DNPEP: variants seen among roughly 807,000 people sequenced by gnomAD.
DNPEP encodes the protein aspartyl aminopeptidase.
Under a neutral mutation model 59.1 loss-of-function variants are expected in DNPEP, and 46 were observed. The observed-to-expected ratio is 0.78, with a 90% CI of 0.61 to 0.99. The LOEUF is 0.99. DNPEP is among the 50% of genes least tolerant of loss of function. The pLI, the probability that DNPEP is intolerant of heterozygous loss-of-function variation, is 0.00. For missense variants in DNPEP, 617 were observed against 649.9 expected (o/e 0.95, Z 0.55); for synonymous variants, 229 against 242.2 (o/e 0.95, Z 0.50).
chr2:219,386,454 T>C, intron 4 of DNPEP, 43 bp from the exon 5 acceptor site: 1 of 1,612,934 alleles, frequency 6.2e-7, no homozygotes, highest in African/African-American at 1.3e-5. Flanking sequence ...TTCATGACGA[T>C]ATGTGGAGAT....
At chr2:219,394,098 C>T (rs1394495333) in intron 1 of DNPEP, among the ~76,000 whole-genome samples, 1 of 152,160 alleles carries the variant, frequency 6.6e-6, no homozygotes, top group Non-Finnish European at 1.5e-5. Context: ...TCCTTCTCCT[C>T]TTTATGTAAA....
intron 3 of DNPEP, 35 bp from the exon 4 acceptor site, chr2:219,386,813 T>G (rs1199429372): frequency 6.2e-7 from 1 of 1,610,056 alleles, no homozygotes. Context: ...GGGGTGTGAG[T>G]TGCATTACTC....
Position 219,373,843 on chromosome 2 carries a change from C to G in DNPEP, c.*449G>C, listed in dbSNP as rs910655869. 1 of 169,522 alleles carries G rather than the reference C, an allele frequency of 5.9e-6. No homozygotes were observed. Among genetic ancestry groups the G allele is most frequent in the Admixed American group, 5.9e-5 (1 of 17,058 alleles). The allele number at this position is 169,522 out of a possible 1,614,324, so 10.5% of individuals were successfully genotyped here. On this transcript the variant is annotated 3_prime_UTR_variant, in exon 15 of 15. Transcript: ENST00000273075. ...GAAGGGATTTTGGGAGGGTGAGAAA[C>G]AGCTTTGTCTGCCCAGAGCAGCTCT... is the stretch of plus-strand genomic sequence containing the variant.
chr2:219,379,919 A>AAAATAAATAAAT (rs59629509), intron 13 of DNPEP, among the ~76,000 whole-genome samples: 4 of 149,414 alleles, frequency 2.7e-5, no homozygotes, highest in African/African-American at 7.4e-5. Flanking sequence ...CTCCATCTCA[A>AAAATAAATAAAT]AAATAAATAA....
In DNPEP at chr2:219,379,588, G is replaced by A. The variant is rs149987778; in HGVS notation, c.1239+1747C>T. Among the ~76,000 whole-genome samples, 269 of 152,280 alleles carry A rather than the reference G, an allele frequency of 1.8e-3. 1 individual carries two copies. Among genetic ancestry groups the A allele is most frequent in the African/African-American group, 6.2e-3 (258 of 41,550 alleles). On this transcript the variant is annotated intron_variant, in intron 13 of 14. Coordinates refer to ENST00000273075, the MANE Select transcript of DNPEP (RefSeq NM_012100.4). ...GTGTTTGTGTTTTAAGCCAACTGTT[G>A]TTACAAAGGAGTCAAAAATTTTAAA... is the stretch of plus-strand genomic sequence containing the variant.
chr2:219,396,825 G>C (rs1455212132), intron 1 of DNPEP, among the ~76,000 whole-genome samples: 1 of 152,132 alleles, frequency 6.6e-6, no homozygotes, highest in East Asian at 1.9e-4. Context: ...ACCATCTGGG[G>C]AAACTGAGTG....
intron 1 of DNPEP, 192 bp from the exon 2 acceptor site, chr2:219,387,355 A>G: frequency 6.9e-7 from 1 of 1,442,156 alleles, no homozygotes; most frequent in Non-Finnish European, 9.1e-7. Context: ...CCGCCGGCCC[A>G]GGATCATGAG....
intron 4 of DNPEP, 36 bp downstream of exon 4, chr2:219,386,629 A>G (rs1183040222): frequency 6.3e-7 from 1 of 1,576,570 alleles, no homozygotes; most frequent in Non-Finnish European, 8.6e-7. Context: ...TCCCTCTGAC[A>G]TCTCCTCCCA....
At chr2:219,386,806 G>T in intron 3 of DNPEP, 28 bp from the exon 4 acceptor site, 1 of 1,609,758 alleles carries the variant, frequency 6.2e-7, no homozygotes, top group South Asian at 1.1e-5. Context: ...AAAGACAGGG[G>T]TGTGAGTTGC....
chr2:219,391,030 C>CT (rs1483669011), upstream of DNPEP, among the ~76,000 whole-genome samples: 10 of 152,280 alleles, frequency 6.6e-5, no homozygotes, highest in East Asian at 7.7e-4. Flanking sequence ...AGGAATGACT[C>CT]TAAGTTTTCT....
intron 1 of DNPEP, among the ~76,000 whole-genome samples, chr2:219,395,364 A>C (rs2125153149): frequency 6.6e-6 from 1 of 152,250 alleles, no homozygotes; most frequent in South Asian, 2.1e-4. Flanking sequence ...CCTGCTCCCT[A>C]ACAACCTCTA....
upstream of DNPEP, chr2:219,387,919 C>T: frequency 3.6e-6 from 5 of 1,371,644 alleles, no homozygotes; most frequent in Non-Finnish European, 4.7e-6. Flanking sequence ...CTTCCCCGGC[C>T]GCGCCGCCCC....
At chr2:219,378,516 G>A (rs1255979265) in intron 13 of DNPEP, among the ~76,000 whole-genome samples, 1 of 152,206 alleles carries the variant, frequency 6.6e-6, no homozygotes, top group African/African-American at 2.4e-5. Flanking sequence ...GCAGCAGAAA[G>A]AGCCCTGGGC....
chr2:219,392,345 CT>C (rs1321818734), upstream of DNPEP, among the ~76,000 whole-genome samples: 620 of 142,398 alleles, frequency 4.4e-3, no homozygotes, highest in Middle Eastern at 0.011. Flanking sequence ...ATACATATGT[CT>C]TTTTTTTTTT....
intron 13 of DNPEP, 65 bp downstream of exon 13, chr2:219,381,270 C>A (rs1953583907): frequency 3.5e-6 from 5 of 1,409,492 alleles, no homozygotes; most frequent in South Asian, 1.2e-5. Flanking sequence ...TCATGGGGGG[C>A]CCATCTGTTT....
chr2:219,384,226 T>C, intron 9 of DNPEP, 140 bp downstream of exon 9: 1 of 762,006 alleles, frequency 1.3e-6, no homozygotes, highest in Non-Finnish European at 2.1e-6. Flanking sequence ...CCCCTCCTGG[T>C]CCATCCAGCA....
At chr2:219,389,194 C>T (rs1271399632), upstream of DNPEP, 1 of 152,190 alleles carries the variant, frequency 6.6e-6, no homozygotes, top group Non-Finnish European at 1.5e-5. Context: ...ACAAATTCCA[C>T]ATTATTGGCA....
At chr2:219,383,995 T>C (rs563852167) in intron 9 of DNPEP, among the ~76,000 whole-genome samples, 1 of 151,702 alleles carries the variant, frequency 6.6e-6, no homozygotes, top group Non-Finnish European at 1.5e-5. Context: ...GCCTGGGGAG[T>C]GGCGTAGGAA....
exon 1 of DNPEP, chr2:219,399,996 T>G: frequency 5.8e-6 from 7 of 1,212,638 alleles, no homozygotes; most frequent in African/African-American, 1.5e-5. Context: ...TGCCGGATCC[T>G]TCCCCTGCCT....
Sources: gnomAD v4.1 joint callset for allele counts (sites outside exome capture counted in the v4.1 genomes callset) on GRCh38, gnomAD v4.1.1 for gene constraint, MANE v1.5 for transcripts, NCBI Gene and HGNC (gene_info 2026-07-23, HGNC 2026-07-21) for gene names.